The following ATP2A3 variants were observed in gnomAD, a reference collection of about 807,000 sequenced individuals.
ATP2A3 encodes sarcoplasmic/endoplasmic reticulum calcium ATPase 3.
A neutral mutation model predicts 106.8 loss-of-function variants in ATP2A3; 61 were observed. The observed-to-expected ratio is 0.57, with a 90% CI of 0.46 to 0.71. ATP2A3 has a LOEUF of 0.71. Among genes scored for constraint, ATP2A3 ranks in the 30% least tolerant of loss-of-function variants. The pLI is 0.00. For missense variants in ATP2A3, 1,201 were observed against 1,423.5 expected (o/e 0.84, Z 2.52); for synonymous variants, 611 against 609.3 (o/e 1.00, Z -0.04).
Position 3,951,718 on chromosome 17 carries a change from G to C in ATP2A3, c.220-33C>G, listed in dbSNP as rs761841882. On this transcript the variant is annotated intron_variant, in intron 3 of 20. Coordinates refer to ENST00000397041, the MANE Select transcript of ATP2A3 (RefSeq NM_005173.4). The stretch of plus-strand genomic sequence containing the variant: ...ATCACAGCTGGTGAGCTCAGGCCCT[G>C]CTGCGGGCCGAGATCTGCTCTCCTT... The C allele has an allele frequency of 5.1e-6, 8 of 1,575,770 alleles. No homozygotes were observed. In the African/African-American group the frequency reaches 1.1e-4, roughly 21 times the overall value.
rs368619808 is a variant in ATP2A3 at position 3,930,413 on chromosome 17, C to T, written c.2632G>A (p.Glu878Lys). 5.6e-6 allele frequency: 9 copies of T among 1,613,966 alleles called. No individual in the cohort carries two copies. The highest frequency in any genetic ancestry group is 4.0e-5 in the African/African-American group (3 of 75,058). ...ATGCCGGCAAAGAGCGGGTTGTCTT[C>T]GGAGCACTTCAGGAAGTTCCTCTGG... ...YQLRNFLKCS[E>K]DNPLFAGIDC... Residue 878 changes from glutamate (E) to lysine (K), a missense_variant, in exon 18 of 21, where the codon GAA becomes AAA. Transcript: ENST00000397041. The surrounding 1 kb of genome is among the most constrained non-coding windows in gnomAD (Gnocchi z 5.4).
Position 3,941,525 on chromosome 17 carries a change from G to T in ATP2A3, c.1675C>A (p.Leu559Met). ...CGGGTGGCCAGTGCCAGGCAGCGCA[G>T]CGTGTCTGAGCCTGAGCCCCAATCC... ...IRDWGSGSDT[L>M]RCLALATRDA... is the part of the protein sequence containing the mutation. Residue 559 changes from leucine (L) to methionine (M), a missense_variant, in exon 13 of 21, where the codon CTG becomes ATG. This residue lies in a region of ATP2A3 where 935 missense variants were observed against 1,176.7 expected (regional missense o/e 0.79). Coordinates refer to ENST00000397041, the MANE Select transcript of ATP2A3 (RefSeq NM_005173.4). The T allele has an allele frequency of 6.2e-7, 1 of 1,613,852 alleles. No homozygotes were observed.
Position 3,937,589 on chromosome 17 carries a change from G to T in ATP2A3, c.2148C>A (p.Ile716=). ...NDAPALKKAE[I]GIAMGSGTAV... ...CCGTGCCTGAGCCCATGGCGATGCC[G>T]ATCTCTGCTTTCTTCAGGGCTGGTG... Residue 716 remains isoleucine (I), a synonymous_variant, in exon 15 of 21, where the codon ATC becomes ATA. Coordinates refer to ENST00000397041, the MANE Select transcript of ATP2A3 (RefSeq NM_005173.4). 5 of 1,614,074 alleles carry T rather than the reference G, an allele frequency of 3.1e-6. No individual in the cohort carries two copies. The highest frequency in any genetic ancestry group is 4.2e-6 in the Non-Finnish European group (5 of 1,180,026).
chr17:3,933,762 C>T (rs1355856748), intron 17 of ATP2A3, among the ~76,000 whole-genome samples: 1 of 151,082 alleles, frequency 6.6e-6, no homozygotes, highest in Admixed American at 6.6e-5. Context: ...AAAGACAGTG[C>T]GTCGGGCTGG....
In ATP2A3 at chr17:3,925,105, C is replaced by G; in HGVS notation, c.*317G>C. ...TTGGGGGTGGGGGGGCCCCGGATCT[C>G]TGGGTATGCTGCCAGCTCCGGCTTC... On this transcript the variant is annotated 3_prime_UTR_variant, in exon 21 of 21. Transcript: ENST00000397041. The surrounding 1 kb of genome is among the most constrained non-coding windows in gnomAD (Gnocchi z 4.2). 1.8e-6 allele frequency: 1 copy of G among 555,876 alleles called. No individual in the cohort carries two copies. The highest frequency in any genetic ancestry group is 2.1e-5 in the South Asian group (1 of 48,574). The allele number at this position is 555,876 out of a possible 1,614,324, so 34.4% of individuals were successfully genotyped here. A position where few individuals can be genotyped will look rare whatever the true frequency, so the allele number is the denominator to read the frequency against.
chr17:3,937,243 T>C (rs1206828764), intron 15 of ATP2A3, among the ~76,000 whole-genome samples, 173 bp downstream of exon 15: 2 of 152,030 alleles, frequency 1.3e-5, no homozygotes, highest in Non-Finnish European at 2.9e-5. Context: ...CTCTGGAGAA[T>C]GACAAGAGGT....
chr17:3,948,442 ATGCTGTTGG>A (rs2054239447), intron 7 of ATP2A3, among the ~76,000 whole-genome samples: 1 of 152,082 alleles, frequency 6.6e-6, no homozygotes, highest in Non-Finnish European at 1.5e-5. Flanking sequence ...TCAAATGCAT[ATGCTGTTGG>A]GGCTGGCGAG....
rs991367007 is a variant in ATP2A3 at position 3,953,780 on chromosome 17, G to A, written c.119-70C>T. 6 of 1,531,108 alleles carry A rather than the reference G, an allele frequency of 3.9e-6. No individual in the cohort carries two copies. The highest frequency in any genetic ancestry group is 2.4e-5 in the East Asian group (1 of 40,998). 94.8% of individuals were successfully genotyped at this position (1,531,108 alleles called of 1,614,324 possible). ...GGAGTGGGTCACGCAGGGGCCTCGG[G>A]GGAGTCTGGCAGTGCCTCCCCACCG... On this transcript the variant is annotated intron_variant, in intron 1 of 20. Transcript: ENST00000397041. The surrounding 1 kb of genome is among the most constrained non-coding windows in gnomAD (Gnocchi z 5.1).
Position 3,944,766 on chromosome 17 carries a change from C to G in ATP2A3, c.1225G>C (p.Gly409Arg), listed in dbSNP as rs757183845. Residue 409 changes from glycine to arginine, a missense_variant, in exon 10 of 21, where the codon GGG (glycine) becomes CGG (arginine). Gly to Arg is a moderately radical substitution (Grantham distance 125). Coordinates refer to ENST00000397041, the MANE Select transcript of ATP2A3 (RefSeq NM_005173.4). ...DQPVRCGQFD[G>R]LVELATICAL... The stretch of plus-strand genomic sequence containing the variant: ...CAGATGGTCGCCAGCTCCACCAGCC[C>G]GTCGAACTGGCCGCAGCGCACAGGC... 4.3e-6 allele frequency: 7 copies of G among 1,612,876 alleles called. No homozygotes were observed. The highest frequency in any genetic ancestry group is 5.1e-6 in the Non-Finnish European group (6 of 1,179,588).
Position 3,964,254 on chromosome 17 carries a change from A to G in ATP2A3, c.38T>C (p.Leu13Pro). ...AAHLLPAADV[L>P]RHFSVTAEGG... ...CTCGGCTGTCACCGAGAAGTGGCGC[A>G]GCACGTCGGCGGCCGGGAGCAGATG... Residue 13 changes from leucine to proline, a missense_variant, in exon 1 of 21, where the codon CTG (leucine) becomes CCG (proline). Physicochemically the swap from Leu to Pro is moderately conservative, Grantham distance 98. Coordinates refer to ENST00000397041, the MANE Select transcript of ATP2A3 (RefSeq NM_005173.4). 1 of 1,280,606 alleles carries G rather than the reference A, an allele frequency of 7.8e-7. No individual in the cohort carries two copies. The highest frequency in any genetic ancestry group is 1.0e-6 in the Non-Finnish European group (1 of 1,002,022). 79.3% of individuals were successfully genotyped at this position (1,280,606 alleles called of 1,614,324 possible).
rs2054024605 is a variant in ATP2A3 at position 3,944,993 on chromosome 17, T to A, written c.1184+67A>T. On this transcript the variant is annotated intron_variant, in intron 9 of 20. Coordinates refer to ENST00000397041, the MANE Select transcript of ATP2A3 (RefSeq NM_005173.4). Reference sequence around the variant, plus strand: ...CCCCCAGGGGCCTCCCACGGCCACCTCGGCGCCGCCACGCGTGGCCCCGCC... The same window carrying A: ...CCCCCAGGGGCCTCCCACGGCCACCACGGCGCCGCCACGCGTGGCCCCGCC... 5.2e-6 allele frequency: 7 copies of A among 1,344,714 alleles called. No individual in the cohort carries two copies. In the South Asian group the frequency reaches 1.1e-4, roughly 22 times the overall value. 83.3% of individuals were successfully genotyped at this position (1,344,714 alleles called of 1,614,324 possible).
chr17:3,942,764 A>C, intron 11 of ATP2A3, 33 bp from the exon 12 acceptor site: 1 of 1,609,210 alleles, frequency 6.2e-7, no homozygotes, highest in Non-Finnish European at 8.5e-7. Context: ...GGCATGAAGG[A>C]CAGAGCCAGC....
At chr17:3,932,010 A>C (rs1427021727) in intron 17 of ATP2A3, among the ~76,000 whole-genome samples, 1 of 152,254 alleles carries the variant, frequency 6.6e-6, no homozygotes, top group Non-Finnish European at 1.5e-5. Context: ...AAGAGAAATA[A>C]GCCTGGCTAG....
rs1488254821 is a variant in ATP2A3, at chr17:3,928,662, C to T, written c.2980+1G>A. 6.5e-7 allele frequency: 1 copy of T among 1,549,876 alleles called. No homozygotes were observed. The highest frequency in any genetic ancestry group is 8.7e-7 in the Non-Finnish European group (1 of 1,146,204). The stretch of plus-strand genomic sequence containing the variant: ...GAGGCGGGACGGGGCCTCCCACTCA[C>T]CGTGCATGTGGTTCCGGGACAGGTA... On this transcript the variant is annotated splice_donor_variant, in intron 20 of 20. Coordinates refer to ENST00000397041, the MANE Select transcript of ATP2A3 (RefSeq NM_005173.4). LOFTEE classifies it high-confidence loss of function. This position sits in a 1 kb window ranked among gnomAD's most constrained non-coding sequence, Gnocchi z 6.1.
chr17:3,952,076 T>C (rs561339662), intron 3 of ATP2A3, among the ~76,000 whole-genome samples: 5 of 152,084 alleles, frequency 3.3e-5, no homozygotes, highest in African/African-American at 1.2e-4. Flanking sequence ...CAGTCACCTG[T>C]GTGTCGGCAA....
chr17:3,942,530 G>A (rs2053839007), intron 12 of ATP2A3, 76 bp downstream of exon 12: 3 of 1,571,466 alleles, frequency 1.9e-6, no homozygotes, highest in African/African-American at 1.3e-5. Flanking sequence ...CGGGAGGACT[G>A]GGGCTCACAG....
At chr17:3,942,787 C>T in intron 11 of ATP2A3, 56 bp from the exon 12 acceptor site, 1 of 1,602,814 alleles carries the variant, frequency 6.2e-7, no homozygotes, top group South Asian at 1.1e-5. Flanking sequence ...CTCTCGCCTG[C>T]CTTCCCACCA....
rs1044328431 is a variant in ATP2A3 at position 3,929,785 on chromosome 17, C to A, written c.2745-340G>T. 9.9e-5 allele frequency among the ~76,000 whole-genome samples: 15 copies of A among 151,868 alleles called. 1 individual carries two copies. The highest frequency in any genetic ancestry group is 3.6e-4 in the African/African-American group (15 of 41,316). On this transcript the variant is annotated intron_variant, in intron 18 of 20. Transcript: ENST00000397041. This position sits in a 1 kb window ranked among gnomAD's most constrained non-coding sequence, Gnocchi z 4.3. ...TCTTGGACCCCCACTGACCCCCAGA[C>A]CCTAATCCTGGACCCCGCTTGGCCC...
chr17:3,929,280 C>A lies in ATP2A3; in HGVS notation c.2862+48G>T. 1 of 1,489,766 alleles carries A rather than the reference C, an allele frequency of 6.7e-7. No homozygotes were observed. The highest frequency in any genetic ancestry group is 2.5e-5 in the East Asian group (1 of 40,490). 92.3% of individuals were successfully genotyped at this position (1,489,766 alleles called of 1,614,324 possible). On this transcript the variant is annotated intron_variant, in intron 19 of 20. Transcript: ENST00000397041. This position sits in a 1 kb window ranked among gnomAD's most constrained non-coding sequence, Gnocchi z 4.3. ...GAGAGGTCCAGTGACCAGCCCAGGG[C>A]CTGTGATGTCCAGGGACCAGGGCAG...
Sources: gnomAD v4.1 joint callset for allele counts (sites outside exome capture counted in the v4.1 genomes callset) on GRCh38, gnomAD v4.1.1 for gene constraint, gnomAD v4.1.1 regional missense constraint, Gnocchi (gnomAD v3.1) non-coding constraint, MANE v1.5 for transcripts, NCBI Gene and HGNC (gene_info 2026-07-23, HGNC 2026-07-21) for gene names.